CDK18: variants seen among roughly 807,000 people sequenced by gnomAD.
CDK18 encodes cyclin dependent kinase 18.
Under a neutral mutation model 62.0 loss-of-function variants are expected in CDK18, and 52 were observed. The ratio of observed to expected loss-of-function variants is 0.84; its 90% CI spans 0.67 to 1.06. CDK18 has a LOEUF of 1.06. Ranked by LOEUF, CDK18 falls within the 50% of genes least tolerant of loss-of-function variation. The probability of loss-of-function intolerance (pLI) is 0.00; values close to 1 mark genes in which losing one functional copy is unlikely to be tolerated. For missense variants in CDK18, 604 were observed against 619.9 expected (o/e 0.97, Z 0.27); for synonymous variants, 237 against 247.0 (o/e 0.96, Z 0.38).
chr1:205,515,729 A>C (rs1203386321), intron 1 of CDK18, among the ~76,000 whole-genome samples: 1 of 152,122 alleles, frequency 6.6e-6, no homozygotes, highest in African/African-American at 2.4e-5. Context: ...TTCTGATTGG[A>C]GTGAGACTCT....
rs1052727788 is a variant in CDK18, at chr1:205,527,007, G to T, written c.729+170G>T. 1.6e-5 allele frequency: 10 copies of T among 620,570 alleles called. No homozygotes were observed. In the African/African-American group the frequency reaches 1.8e-4, roughly 11 times the overall value. The allele number at this position is 620,570 out of a possible 1,614,324, so 38.4% of individuals were successfully genotyped here. On this transcript the variant is annotated intron_variant, in intron 8 of 15. Coordinates refer to ENST00000429964, the MANE Select transcript of CDK18 (RefSeq NM_212502.3). The surrounding 1 kb of genome is among the most constrained non-coding windows in gnomAD (Gnocchi z 4.1). ...TCAACGAGTCCAGGAACTGGGTTGA[G>T]CGCTTTACCCCAAGAACAGACACAC...
At position 205,529,442 on chromosome 1, in the gene CDK18, C is replaced by T; in HGVS notation, c.1178+13C>T. 2 of 1,612,194 alleles carry T rather than the reference C, an allele frequency of 1.2e-6. No homozygotes were observed. Among genetic ancestry groups the T allele is most frequent in the Non-Finnish European group, 1.7e-6 (2 of 1,178,862 alleles). ...ACCACGCGCCCAGGTAGCCCCTGCG[C>T]CCGCCGCCCCTCCTGCTGCGGCCCT... is the stretch of plus-strand genomic sequence containing the variant. On this transcript the variant is annotated intron_variant, in intron 12 of 15. Coordinates refer to ENST00000429964, the MANE Select transcript of CDK18 (RefSeq NM_212502.3).
At position 205,523,179 on chromosome 1, in the gene CDK18, C is replaced by A. The variant is rs567560605; in HGVS notation, c.12C>A (p.Asn4Lys). 2 of 1,611,250 alleles carry A rather than the reference C, an allele frequency of 1.2e-6. No individual in the cohort carries two copies. The highest frequency in any genetic ancestry group is 2.7e-5 in the African/African-American group (2 of 74,982). MIM[N>K]KMKNFKRRFS... ...CTGCCCAGTCCCTCATGATCATGAA[C>A]AAGATGAAGAACTTTAAGCGCCGTT... The change falls in exon 2 of 16, where the codon AAC (asparagine) becomes AAA (lysine). Residue 4 changes from asparagine (N) to lysine (K), a missense_variant. Physicochemically the swap from Asn to Lys is moderately conservative, Grantham distance 94. Transcript: ENST00000429964.
chr1:205,526,844 C>T lies in CDK18; in HGVS notation c.729+7C>T. On this transcript the variant is annotated splice_region_variant and intron_variant, in intron 8 of 15. Transcript: ENST00000429964. ...GAGCATGCACAACGTCAAGGTGAGG[C>T]CTCGGGGGCAGGGTCCCCCCATCTT... 6.2e-7 allele frequency: 1 copy of T among 1,611,870 alleles called. No homozygotes were observed. The highest frequency in any genetic ancestry group is 8.5e-7 in the Non-Finnish European group (1 of 1,177,918).
Position 205,529,043 on chromosome 1 carries a change from T to C in CDK18, c.1019T>C (p.Leu340Pro), listed in dbSNP as rs1668588608. ...IHYEMATGRP[L>P]FPGSTVKEEL... Reference sequence around the variant, plus strand: ...TACGAGATGGCCACAGGGAGGCCCCTCTTCCCGGGCTCCACAGTCAAGGAG... The same window carrying C: ...TACGAGATGGCCACAGGGAGGCCCCCCTTCCCGGGCTCCACAGTCAAGGAG... Residue 340 changes from leucine (L) to proline (P), a missense_variant, in exon 11 of 16, where the codon CTC (leucine) becomes CCC (proline). Physicochemically the swap from Leu to Pro is moderately conservative, Grantham distance 98. Transcript: ENST00000429964. 4 of 1,597,340 alleles carry C rather than the reference T, an allele frequency of 2.5e-6. No homozygotes were observed. The highest frequency in any genetic ancestry group is 3.4e-6 in the Non-Finnish European group (4 of 1,172,604).
Position 205,529,392 on chromosome 1 carries a change from T to C in CDK18, c.1141T>C (p.Cys381Arg), listed in dbSNP as rs750368842. Residue 381 changes from cysteine (C) to arginine (R), a missense_variant, in exon 12 of 16, where the codon TGC (cysteine) becomes CGC (arginine). Cys to Arg is a radical substitution (Grantham distance 180, BLOSUM62 -3). Coordinates refer to ENST00000429964, the MANE Select transcript of CDK18 (RefSeq NM_212502.3). ...FSEFRTYSFPCYLPQPLINHA... is the reference protein window; with the variant it reads ...FSEFRTYSFPRYLPQPLINHA... ...TGAGTTCCGCACCTACAGCTTCCCC[T>C]GCTACCTCCCGCAGCCGCTCATCAA... 3.7e-6 allele frequency: 6 copies of C among 1,614,018 alleles called. No homozygotes were observed. In the Admixed American group the frequency reaches 8.3e-5, roughly 22 times the overall value.
chr1:205,527,987 G>A lies in CDK18; in HGVS notation c.854-61G>A. On this transcript the variant is annotated intron_variant, in intron 9 of 15. Transcript: ENST00000429964. This position sits in a 1 kb window ranked among gnomAD's most constrained non-coding sequence, Gnocchi z 4.1. ...TCAGGGTGTGGGTGCAGTGGGGGAG[G>A]GCATAGCAGTCAACCCCACAGCACC... 1.2e-6 allele frequency: 2 copies of A among 1,613,132 alleles called. No homozygotes were observed. Among genetic ancestry groups the A allele is most frequent in the Non-Finnish European group, 1.7e-6 (2 of 1,179,310 alleles).
At chr1:205,515,587 G>A (rs1230114328) in intron 1 of CDK18, among the ~76,000 whole-genome samples, 2 of 152,182 alleles carry the variant, frequency 1.3e-5, no homozygotes, top group African/African-American at 4.8e-5. Flanking sequence ...TTCTCAATTA[G>A]CAGCAAGGAA....
intron 1 of CDK18, among the ~76,000 whole-genome samples, chr1:205,505,493 G>A (rs1393351946): frequency 1.3e-5 from 2 of 152,230 alleles, no homozygotes; most frequent in Non-Finnish European, 2.9e-5. Context: ...ACAGGCGACA[G>A]AGGGTTAATG....
At chr1:205,526,587 C>G (rs375579523) in intron 7 of CDK18, 126 bp downstream of exon 7, 8 of 936,654 alleles carry the variant, frequency 8.5e-6, no homozygotes, top group East Asian at 2.4e-5. Flanking sequence ...GTTCTGGAAT[C>G]AGATTTTCAG....
intron 1 of CDK18, among the ~76,000 whole-genome samples, chr1:205,515,098 A>G (rs1040064027): frequency 6.6e-6 from 1 of 151,664 alleles, no homozygotes; most frequent in African/African-American, 2.4e-5. Flanking sequence ...GCTCAAGAAG[A>G]CAGGGATCCA....
Position 205,529,216 on chromosome 1 carries a change from C to T in CDK18, c.1073-108C>T, listed in dbSNP as rs1029214193. 5.2e-6 allele frequency: 7 copies of T among 1,343,436 alleles called. No homozygotes were observed. The African/African-American group carries it at 7.3e-5, about 14-fold the overall frequency. 83.2% of individuals were successfully genotyped at this position (1,343,436 alleles called of 1,614,324 possible). On this transcript the variant is annotated intron_variant, in intron 11 of 15. Coordinates refer to ENST00000429964, the MANE Select transcript of CDK18 (RefSeq NM_212502.3). ...CGCCTCTCTCCCGGGCGGGGACCCC[C>T]TGTGGCCTCGGCCATCTTTGCTCCC...
rs751181313 is a variant in CDK18 at position 205,523,407 on chromosome 1, G to A, written c.131-76G>A. 2.8e-5 allele frequency: 45 copies of A among 1,595,062 alleles called. No homozygotes were observed. In the Middle Eastern group the frequency reaches 5.0e-4, roughly 18 times the overall value. Reference sequence around the variant, plus strand: ...ACTGGCCTTAGGGGAGGAGCACAGCGCTGGGGGAGGGGGGCTACCCTTCTC... The same window carrying A: ...ACTGGCCTTAGGGGAGGAGCACAGCACTGGGGGAGGGGGGCTACCCTTCTC... On this transcript the variant is annotated intron_variant, in intron 2 of 15. Coordinates refer to ENST00000429964, the MANE Select transcript of CDK18 (RefSeq NM_212502.3).
intron 5 of CDK18, among the ~76,000 whole-genome samples, chr1:205,525,734 G>T (rs916405489): frequency 6.6e-6 from 1 of 152,236 alleles, no homozygotes; most frequent in African/African-American, 2.4e-5. Flanking sequence ...TTTATAGAGA[G>T]AGGGAACACA....
Position 205,531,409 on chromosome 1 carries a change from A to G in CDK18, c.*31A>G, listed in dbSNP as rs764152671. 6.2e-7 allele frequency: 1 copy of G among 1,605,612 alleles called. No homozygotes were observed. Among genetic ancestry groups the G allele is most frequent in the Admixed American group, 1.7e-5 (1 of 60,020 alleles). ...GCCCACCTTGCTGTGGCCAAGGGACAAGAGATCACATGGAGCACAAATTCG... is the reference window on the plus strand; with the variant it reads ...GCCCACCTTGCTGTGGCCAAGGGACGAGAGATCACATGGAGCACAAATTCG... On this transcript the variant is annotated 3_prime_UTR_variant, in exon 16 of 16. Transcript: ENST00000429964.
chr1:205,530,406 AGT>A (rs1668679768), intron 14 of CDK18, 57 bp downstream of exon 14: 6 of 1,539,294 alleles, frequency 3.9e-6, no homozygotes, highest in Non-Finnish European at 8.9e-7. Flanking sequence ...GGGGTTGGTG[AGT>A]GTGGGCAGAA....
chr1:205,510,517 G>A (rs1667520102), intron 1 of CDK18, among the ~76,000 whole-genome samples: 1 of 152,232 alleles, frequency 6.6e-6, no homozygotes, highest in Non-Finnish European at 1.5e-5. Context: ...TGCCGTGGCT[G>A]GGCTGGGTGC....
In CDK18 at chr1:205,524,452, G is replaced by A. The variant is rs145241138; in HGVS notation, c.399+95G>A. ...CCAGCTGAGGCCTAGATGGGATTTC[G>A]AGGAAGATTCCTGGGCCTCTGGTGC... On this transcript the variant is annotated intron_variant, in intron 4 of 15. Coordinates refer to ENST00000429964, the MANE Select transcript of CDK18 (RefSeq NM_212502.3). The A allele has an allele frequency of 2.6e-4, 378 of 1,457,614 alleles. 1 individual carries two copies. The East Asian group carries it at 6.9e-3, about 27-fold the overall frequency. 90.3% of individuals were successfully genotyped at this position (1,457,614 alleles called of 1,614,324 possible).
Position 205,528,908 on chromosome 1 carries a change from G to A in CDK18, c.975-91G>A, listed in dbSNP as rs558385581. 3.1e-4 allele frequency: 250 copies of A among 808,404 alleles called. 2 individuals are homozygous for A. The East Asian group carries it at 6.7e-3, about 22-fold the overall frequency. The allele number at this position is 808,404 out of a possible 1,614,324, so 50.1% of individuals were successfully genotyped here. On this transcript the variant is annotated intron_variant, in intron 10 of 15. Coordinates refer to ENST00000429964, the MANE Select transcript of CDK18 (RefSeq NM_212502.3). The surrounding 1 kb of genome is among the most constrained non-coding windows in gnomAD (Gnocchi z 4.2). ...AGAGCCACGATCCCTGCAGCCGCCT[G>A]TGGCAGGTCGTCATTGGTGCCCTGG...
Sources: allele counts gnomAD v4.1 joint callset (sites outside exome capture counted in the v4.1 genomes callset), GRCh38; gene constraint gnomAD v4.1.1; non-coding constraint Gnocchi (gnomAD v3.1); transcripts MANE v1.5; gene names NCBI Gene and HGNC (gene_info 2026-07-23, HGNC 2026-07-21).